Variants in CACNA1C observed in about 807,000 individuals in gnomAD.
CACNA1C encodes the protein calcium voltage-gated channel subunit alpha1 C.
CACNA1C carries 30 observed loss-of-function variants against 229.0 expected under a neutral mutation model. The ratio of observed to expected loss-of-function variants is 0.13; its 90% confidence interval spans 0.10 to 0.18. The LOEUF (loss-of-function observed/expected upper bound fraction) is 0.18, where lower values mean the gene tolerates loss of function less well. Among genes scored for constraint, CACNA1C ranks in the 10% least tolerant of loss-of-function variants. The probability of loss-of-function intolerance (pLI) is 1.00; values close to 1 mark genes in which losing one functional copy is unlikely to be tolerated. For missense variants in CACNA1C, 1,658 were observed against 2,845.0 expected, an observed-to-expected ratio of 0.58 and a Z score of 9.49; for synonymous variants, 1,114 against 1,132.5, an observed-to-expected ratio of 0.98 and a Z score of 0.33.
At chr12:2,528,511 AC>A (rs1441461689) in intron 9 of CACNA1C, among the ~76,000 whole-genome samples, 1 of 152,152 alleles carries the variant, frequency 6.6e-6, no homozygotes, top group Non-Finnish European at 1.5e-5. Flanking sequence ...ACTTGTGCAC[AC>A]CCTGATCTCT....
intron 3 of CACNA1C, among the ~76,000 whole-genome samples, chr12:2,130,198 T>C (rs917122609): frequency 2.1e-4 from 31 of 150,672 alleles, no homozygotes; most frequent in Middle Eastern, 3.4e-3. Flanking sequence ...CCTTTCTTTT[T>C]TTTTTTTTTT....
At chr12:2,495,836 G>A (rs917885566) in intron 7 of CACNA1C, among the ~76,000 whole-genome samples, 2 of 152,192 alleles carry the variant, frequency 1.3e-5, no homozygotes, top group African/African-American at 4.8e-5. Flanking sequence ...ATACACACAC[G>A]TGCACATACA....
intron 24 of CACNA1C, 150 bp from the exon 25 acceptor site, chr12:2,606,461 C>T (rs959448104): frequency 3.7e-5 from 25 of 672,298 alleles, no homozygotes; most frequent in Non-Finnish European, 5.4e-5. Flanking sequence ...CCGTTCTGTG[C>T]GTGTGAGTCA....
chr12:2,213,707 A>T (rs2059249373), intron 3 of CACNA1C, among the ~76,000 whole-genome samples: 1 of 152,130 alleles, frequency 6.6e-6, no homozygotes, highest in African/African-American at 2.4e-5. Flanking sequence ...TCCCCTCTGC[A>T]GGCCTCCCAG....
At chr12:2,573,540 G>T (rs777287466) in intron 13 of CACNA1C, among the ~76,000 whole-genome samples, 20 of 152,194 alleles carry the variant, frequency 1.3e-4, no homozygotes, top group Non-Finnish European at 2.5e-4. Context: ...GTAGTATAAT[G>T]CTTGGTGTAC....
intron 29 of CACNA1C, chr12:2,613,904 C>T (rs2079107909): frequency 6.6e-6 from 1 of 152,372 alleles, no homozygotes; most frequent in South Asian, 2.1e-4. Context: ...TACAGTGTCA[C>T]GAGACATATG....
At chr12:2,625,540 G>A (rs2085936693) in intron 29 of CACNA1C, among the ~76,000 whole-genome samples, 1 of 152,154 alleles carries the variant, frequency 6.6e-6, no homozygotes, top group Admixed American at 6.5e-5. Flanking sequence ...GGCAGTACAG[G>A]AAGGTAGCCT....
intron 1 of CACNA1C, among the ~76,000 whole-genome samples, chr12:2,047,607 A>T (rs1339824689): frequency 6.6e-6 from 1 of 152,236 alleles, no homozygotes; most frequent in Non-Finnish European, 1.5e-5. Flanking sequence ...AAACATATAT[A>T]TTGAGGGCAA....
chr12:2,564,879 G>T (rs1373312173), intron 11 of CACNA1C, among the ~76,000 whole-genome samples: 1 of 151,980 alleles, frequency 6.6e-6, no homozygotes, highest in Non-Finnish European at 1.5e-5. Flanking sequence ...TGTTTTTGTG[G>T]GGTGTTCCAA....
intron 31 of CACNA1C, 30 bp downstream of exon 31, chr12:2,648,537 G>A (rs770198332): frequency 8.1e-5 from 131 of 1,610,218 alleles, no homozygotes; most frequent in Admixed American, 1.0e-4. Flanking sequence ...CCATGCTCCC[G>A]GCTTCCGTGT....
At chr12:2,556,125 ACTCT>A (rs905522705) in intron 10 of CACNA1C, among the ~76,000 whole-genome samples, 8 of 148,710 alleles carry the variant, frequency 5.4e-5, no homozygotes, top group African/African-American at 2.0e-4. Context: ...ACATTCTCTC[ACTCT>A]CCCTGTCTCT....
intron 3 of CACNA1C, among the ~76,000 whole-genome samples, chr12:2,165,986 C>T (rs568149151): frequency 1.3e-5 from 2 of 152,312 alleles, no homozygotes; most frequent in African/African-American, 4.8e-5. Flanking sequence ...AAATGGCATA[C>T]GTGCAGAGGG....
At chr12:2,515,515 A>G (rs950332133) in intron 9 of CACNA1C, among the ~76,000 whole-genome samples, 1 of 152,232 alleles carries the variant, frequency 6.6e-6, no homozygotes, top group Admixed American at 6.5e-5. Flanking sequence ...CTAAAAGACT[A>G]TAGTATGGTA....
intron 3 of CACNA1C, among the ~76,000 whole-genome samples, chr12:2,267,497 C>G (rs1292991845): frequency 2.0e-5 from 3 of 152,092 alleles, no homozygotes; most frequent in South Asian, 4.1e-4. Context: ...GAGCACCTGC[C>G]GGATTCACCA....
chr12:2,455,230 C>T (rs1039967551), intron 4 of CACNA1C, among the ~76,000 whole-genome samples: 2 of 152,210 alleles, frequency 1.3e-5, no homozygotes, highest in Non-Finnish European at 2.9e-5. Context: ...CTTCTAGTAA[C>T]CCCCTTTTTT....
At chr12:2,433,541 ACTT>A (rs1274414043) in intron 3 of CACNA1C, among the ~76,000 whole-genome samples, 1 of 152,124 alleles carries the variant, frequency 6.6e-6, no homozygotes, top group East Asian at 1.9e-4. Flanking sequence ...TTATCCATGT[ACTT>A]CTTTGCTTTC....
At chr12:2,192,774 C>G (rs1281451146) in intron 3 of CACNA1C, among the ~76,000 whole-genome samples, 2 of 151,928 alleles carry the variant, frequency 1.3e-5, no homozygotes, top group Non-Finnish European at 2.9e-5. Context: ...CCCCCTCCTC[C>G]ACAGAGCCCT....
chr12:2,343,030 G>A (rs182503356), intron 3 of CACNA1C, among the ~76,000 whole-genome samples: 2 of 152,330 alleles, frequency 1.3e-5, no homozygotes, highest in East Asian at 1.9e-4. Flanking sequence ...AAACAAACAA[G>A]CAAGCAACAG....
chr12:2,081,308 C>A (rs776039224), intron 1 of CACNA1C, among the ~76,000 whole-genome samples: 2 of 152,144 alleles, frequency 1.3e-5, no homozygotes, highest in East Asian at 3.9e-4. Context: ...CGGTGGCTCA[C>A]GCCTGTAATC....
Sources: gnomAD v4.1 joint callset for allele counts (sites outside exome capture counted in the v4.1 genomes callset) on GRCh38, gnomAD v4.1.1 for gene constraint, MANE v1.5 for transcripts, NCBI Gene and HGNC (gene_info 2026-07-23, HGNC 2026-07-21) for gene names.